Variants in FUT8 observed in about 807,000 individuals in gnomAD.
FUT8 encodes fucosyltransferase 8, also known as alpha-(1,6)-fucosyltransferase.
A neutral mutation model predicts 71.3 loss-of-function variants in FUT8; 29 were observed. The ratio of observed to expected loss-of-function variants is 0.41; its 90% CI spans 0.30 to 0.55. The LOEUF is 0.55. Ranked by LOEUF, FUT8 falls within the 20% of genes least tolerant of loss-of-function variation. FUT8 has a pLI of 0.34. For synonymous variants in FUT8, 254 were observed against 239.3 expected (o/e 1.06, Z -0.57); for missense variants, 544 against 702.1 (o/e 0.77, Z 2.55).
chr14:65,741,257 G>GTGA (rs1362598825), intron 10 of FUT8, among the ~76,000 whole-genome samples: 1 of 151,838 alleles, frequency 6.6e-6, no homozygotes, highest in Non-Finnish European at 1.5e-5. Flanking sequence ...AGTAATCAGG[G>GTGA]TGATGCATTT....
intron 10 of FUT8, among the ~76,000 whole-genome samples, chr14:65,735,578 A>G (rs1217333743): frequency 1.3e-5 from 2 of 152,124 alleles, no homozygotes; most frequent in African/African-American, 2.4e-5. Context: ...ACAGTATTTC[A>G]TAACCCAAAA....
chr14:65,450,484 G>A (rs998387789), intron 1 of FUT8, among the ~76,000 whole-genome samples: 3 of 152,136 alleles, frequency 2.0e-5, no homozygotes, highest in Non-Finnish European at 2.9e-5. Context: ...TGTAACGTTC[G>A]ACTGAATTCT....
At chr14:65,693,501 C>T (rs1355773734) in intron 7 of FUT8, among the ~76,000 whole-genome samples, 2 of 151,930 alleles carry the variant, frequency 1.3e-5, no homozygotes, top group Admixed American at 6.6e-5. Flanking sequence ...ACAGGGAGAC[C>T]GTGGAAAGAG....
intron 5 of FUT8, among the ~76,000 whole-genome samples, chr14:65,617,702 T>G (rs1022392467): frequency 3.9e-5 from 6 of 152,224 alleles, no homozygotes; most frequent in Admixed American, 1.3e-4. Context: ...CCCAGCACTT[T>G]GGGAGGCTGA....
chr14:65,729,843 C>T (rs2139377882), intron 9 of FUT8, among the ~76,000 whole-genome samples: 1 of 152,328 alleles, frequency 6.6e-6, no homozygotes, highest in East Asian at 1.9e-4. Flanking sequence ...AGTGGTAGTC[C>T]AGGCAGCAAT....
At chr14:65,533,112 G>C (rs1159397567) in intron 2 of FUT8, among the ~76,000 whole-genome samples, 1 of 152,086 alleles carries the variant, frequency 6.6e-6, no homozygotes, top group Non-Finnish European at 1.5e-5. Flanking sequence ...TGTTCTTTTT[G>C]CTTAGGATTA....
At position 65,611,298 on chromosome 14, in the gene FUT8, CACA is replaced by C. The variant is rs1243914130; in HGVS notation, c.204-4679_204-4677del. ...ACACACACACACACACACACACACA[CACA>C]CCCCCCAAGTAATAGCCTTGATTTT... On this transcript the variant is annotated intron_variant, in intron 3 of 10. Coordinates refer to ENST00000673929, the MANE Select transcript of FUT8 (RefSeq NM_001371533.1). 2.0e-4 allele frequency among the ~76,000 whole-genome samples: 10 copies of C among 50,288 alleles called. 2 individuals carry two copies. Among genetic ancestry groups the C allele is most frequent in the African/African-American group, 8.9e-4 (9 of 10,140 alleles). 33.0% of individuals were successfully genotyped at this position (50,288 alleles called of 152,430 possible). A position where few individuals can be genotyped will look rare whatever the true frequency, so the allele number is the denominator to read the frequency against.
At chr14:65,568,705 A>G (rs1416246706) in intron 3 of FUT8, among the ~76,000 whole-genome samples, 5 of 151,484 alleles carry the variant, frequency 3.3e-5, no homozygotes, top group Admixed American at 6.6e-5. Context: ...TTGAATGCTT[A>G]AGAAATGTGT....
intron 6 of FUT8, among the ~76,000 whole-genome samples, chr14:65,666,937 A>C (rs923136624): frequency 1.3e-5 from 2 of 152,206 alleles, no homozygotes; most frequent in Non-Finnish European, 2.9e-5. Context: ...ATCTCAATAG[A>C]TGCAGAAAAG....
At chr14:65,693,235 G>T (rs1251169161) in intron 7 of FUT8, among the ~76,000 whole-genome samples, 1 of 152,228 alleles carries the variant, frequency 6.6e-6, no homozygotes. Flanking sequence ...CTGAGTGAAC[G>T]AGACTCCGTC....
At chr14:65,665,858 C>G (rs956875741) in intron 6 of FUT8, among the ~76,000 whole-genome samples, 1 of 152,120 alleles carries the variant, frequency 6.6e-6, no homozygotes, top group Non-Finnish European at 1.5e-5. Context: ...TGCATGTTCT[C>G]ACTTATAAGT....
chr14:65,409,328 A>G (rs1458156945), upstream of FUT8, among the ~76,000 whole-genome samples: 4 of 152,234 alleles, frequency 2.6e-5, no homozygotes, highest in African/African-American at 9.6e-5. The surrounding 1 kb of genome is among the most constrained non-coding windows in gnomAD (Gnocchi z 5.4). Flanking sequence ...AAAAATTTCT[A>G]AACTATTTGG....
intron 2 of FUT8, among the ~76,000 whole-genome samples, chr14:65,511,212 T>C (rs1882318407): frequency 6.6e-6 from 1 of 152,168 alleles, no homozygotes; most frequent in Non-Finnish European, 1.5e-5. Context: ...ATTTGTATAG[T>C]TTCCAAAATT....
At chr14:65,400,163 T>C in the FUT8 span, among the ~76,000 whole-genome samples, 2,286 of 152,376 alleles carry the variant, frequency 0.015, 48 homozygotes, top group African/African-American at 0.041. Context: ...TTTTTCTTTT[T>C]CTTTTGTTTT....
chr14:65,501,279 G>A (rs2066641511), intron 2 of FUT8, among the ~76,000 whole-genome samples: 1 of 152,196 alleles, frequency 6.6e-6, no homozygotes, highest in African/African-American at 2.4e-5. Flanking sequence ...GATTATACAG[G>A]TATTGGAGGG....
the FUT8 span, among the ~76,000 whole-genome samples, chr14:65,399,853 G>C: frequency 6.6e-6 from 1 of 152,132 alleles, no homozygotes; most frequent in Non-Finnish European, 1.5e-5. Flanking sequence ...CCATTTGCAA[G>C]ATCTAATAAC....
chr14:65,379,704 T>C, the FUT8 span, among the ~76,000 whole-genome samples: 2 of 152,168 alleles, frequency 1.3e-5, no homozygotes, highest in Non-Finnish European at 2.9e-5. Context: ...AGTGAGTGTC[T>C]TACTCCGTTT....
rs112511336 is a variant in FUT8, at chr14:65,611,307, C to CCT, written c.204-4671_204-4670insCT. On this transcript the variant is annotated intron_variant, in intron 3 of 10. Transcript: ENST00000673929. The stretch of plus-strand genomic sequence containing the variant: ...CACACACACACACACACACACCCCC[C>CCT]AAGTAATAGCCTTGATTTTGCTTGT... Among the ~76,000 whole-genome samples, 437 of 102,442 alleles carry CCT rather than the reference C, an allele frequency of 4.3e-3. 48 individuals carry two copies. The highest frequency in any genetic ancestry group is 9.7e-3 in the Middle Eastern group (2 of 206). 67.2% of individuals were successfully genotyped at this position (102,442 alleles called of 152,430 possible).
chr14:65,614,914 A>G (rs993331349), intron 3 of FUT8, among the ~76,000 whole-genome samples: 1 of 152,216 alleles, frequency 6.6e-6, no homozygotes, highest in Non-Finnish European at 1.5e-5. Flanking sequence ...AGTGGAGTAC[A>G]GTATACTGCC....
Sources: allele counts gnomAD v4.1 joint callset (sites outside exome capture counted in the v4.1 genomes callset), GRCh38; gene constraint gnomAD v4.1.1; non-coding constraint Gnocchi (gnomAD v3.1); transcripts MANE v1.5; gene names NCBI Gene and HGNC (gene_info 2026-07-23, HGNC 2026-07-21).